CCNYL1: variants seen among roughly 807,000 people sequenced by gnomAD.
CCNYL1 encodes the protein cyclin Y like 1.
In CCNYL1, 16 loss-of-function variants were observed where a neutral mutation model predicts 44.2. That is an observed-to-expected ratio of 0.36 (90% CI 0.25 to 0.55). The LOEUF (loss-of-function observed/expected upper bound fraction) is 0.55, where lower values mean the gene tolerates loss of function less well. Ranked by LOEUF, CCNYL1 falls within the 20% of genes least tolerant of loss-of-function variation. CCNYL1 has a pLI of 0.85. For missense variants in CCNYL1, 348 were observed against 451.8 expected (o/e 0.77, Z 2.08); for synonymous variants, 159 against 163.2 (o/e 0.97, Z 0.20).
chr2:207,751,710 C>T (rs1423217290), intron 9 of CCNYL1, among the ~76,000 whole-genome samples: 1 of 152,140 alleles, frequency 6.6e-6, no homozygotes, highest in Non-Finnish European at 1.5e-5. Flanking sequence ...CAAAATTAGC[C>T]GGCCGTGGTG....
intron 1 of CCNYL1, among the ~76,000 whole-genome samples, chr2:207,721,734 G>GTTTTTTTTTTTTT (rs59024332): frequency 7.1e-6 from 1 of 141,150 alleles, no homozygotes; most frequent in Non-Finnish European, 1.6e-5. Context: ...GGAGTTTTTT[G>GTTTTTTTTTTTTT]TTTTTTTTTT....
At chr2:207,732,210 T>C (rs150960818) in intron 3 of CCNYL1, among the ~76,000 whole-genome samples, 1 of 152,322 alleles carries the variant, frequency 6.6e-6, no homozygotes, top group African/African-American at 2.4e-5. Context: ...TTAGCACACA[T>C]ACACAGTTAA....
At chr2:207,722,294 C>T (rs897482521) in intron 1 of CCNYL1, among the ~76,000 whole-genome samples, 5 of 151,894 alleles carry the variant, frequency 3.3e-5, no homozygotes, top group Non-Finnish European at 1.5e-5. Flanking sequence ...AGGCTGGTCT[C>T]GAACTCCTGA....
intron 7 of CCNYL1, among the ~76,000 whole-genome samples, chr2:207,745,312 A>C (rs561814102): frequency 6.6e-6 from 1 of 152,288 alleles, no homozygotes; most frequent in African/African-American, 2.4e-5. Flanking sequence ...GATCAACTGC[A>C]CTGATGGAGT....
At chr2:207,737,166 C>T (rs944400003) in intron 4 of CCNYL1, among the ~76,000 whole-genome samples, 3 of 152,236 alleles carry the variant, frequency 2.0e-5, no homozygotes, top group Middle Eastern at 6.8e-3. Context: ...CCACCTGCCT[C>T]GGCCTCCCAA....
At chr2:207,743,080 C>G (rs2091823798) in intron 7 of CCNYL1, among the ~76,000 whole-genome samples, 1 of 152,200 alleles carries the variant, frequency 6.6e-6, no homozygotes. Flanking sequence ...ATACTTAGGT[C>G]AGTACCTACT....
intron 1 of CCNYL1, among the ~76,000 whole-genome samples, chr2:207,720,103 G>T (rs978084593): frequency 1.4e-5 from 2 of 143,462 alleles, no homozygotes; most frequent in African/African-American, 5.2e-5. Flanking sequence ...CAGAAAAATC[G>T]CTTCAACTCA....
intron 3 of CCNYL1, among the ~76,000 whole-genome samples, chr2:207,728,120 C>T (rs1323021402): frequency 1.3e-5 from 2 of 152,170 alleles, no homozygotes; most frequent in South Asian, 4.1e-4. Flanking sequence ...CCTGCCACCA[C>T]GCCCAGCTAA....
chr2:207,741,315 C>T (rs555766533), intron 6 of CCNYL1, among the ~76,000 whole-genome samples: 26 of 152,038 alleles, frequency 1.7e-4, no homozygotes, highest in Admixed American at 7.2e-4. Flanking sequence ...GTAAGACTTT[C>T]GAGCCTACAA....
At chr2:207,747,618 G>A (rs1457073744) in intron 8 of CCNYL1, among the ~76,000 whole-genome samples, 2 of 152,094 alleles carry the variant, frequency 1.3e-5, no homozygotes, top group Admixed American at 6.6e-5. Flanking sequence ...ATGCAGTCTC[G>A]GCTCACTGCA....
At chr2:207,744,410 A>G (rs1304337048) in intron 7 of CCNYL1, among the ~76,000 whole-genome samples, 2 of 151,942 alleles carry the variant, frequency 1.3e-5, no homozygotes, top group Non-Finnish European at 2.9e-5. Flanking sequence ...TATGTCACCC[A>G]GGCTGTAGTG....
In CCNYL1 at chr2:207,729,550, C is replaced by A. The variant is rs115082212; in HGVS notation, c.330+2674C>A. On this transcript the variant is annotated intron_variant, in intron 3 of 9. Transcript: ENST00000295414. The stretch of plus-strand genomic sequence containing the variant: ...GCAGGACTTTTGTTAACTGATGATT[C>A]TTACTGCAAGGACATTGGAGGCCAA... Among the ~76,000 whole-genome samples the A allele has an allele frequency of 5.4e-3, 816 of 152,172 alleles. 10 individuals carry two copies. The highest frequency in any genetic ancestry group is 0.019 in the African/African-American group (779 of 41,504).
chr2:207,747,748 C>T (rs867239334), intron 8 of CCNYL1, among the ~76,000 whole-genome samples: 5 of 152,022 alleles, frequency 3.3e-5, no homozygotes, highest in Middle Eastern at 3.2e-3. Context: ...TTAGTAGAGA[C>T]GAGGTTTCAC....
chr2:207,731,068 A>G (rs935953870), intron 3 of CCNYL1, among the ~76,000 whole-genome samples: 1 of 152,206 alleles, frequency 6.6e-6, no homozygotes, highest in Non-Finnish European at 1.5e-5. Flanking sequence ...TTGTATTCAA[A>G]CTCTGCATCC....
rs777005736 is a variant in CCNYL1, at chr2:207,753,679, C to A, written c.1061C>A (p.Ser354Tyr). 1.2e-6 allele frequency: 2 copies of A among 1,609,776 alleles called. No homozygotes were observed. Among genetic ancestry groups the A allele is most frequent in the Non-Finnish European group, 1.7e-6 (2 of 1,176,586 alleles). Residue 354 changes from serine (S) to tyrosine (Y), a missense_variant, in exon 10 of 10, where the codon TCT (serine) becomes TAT (tyrosine). Physicochemically the swap from Ser to Tyr is moderately radical, Grantham distance 144 (BLOSUM62 -2). This residue lies in a region of CCNYL1 where 94 missense variants were observed against 102.4 expected (regional missense o/e 0.92). Coordinates refer to ENST00000295414, the MANE Select transcript of CCNYL1 (RefSeq NM_001330218.2). ...GATAACTTCATTGGTATTCAGCGCT[C>A]TAAAGCCATCCTCTCTTAAAAGGAG... ...SADNFIGIQR[S>Y]KAILS is the part of the protein sequence containing the mutation.
At chr2:207,729,617 GGTCTT>G (rs1362788269) in intron 3 of CCNYL1, among the ~76,000 whole-genome samples, 9 of 151,854 alleles carry the variant, frequency 5.9e-5, no homozygotes, top group Non-Finnish European at 1.0e-4. Flanking sequence ...TTATCTGGTG[GGTCTT>G]GTCTTGTCTT....
intron 5 of CCNYL1, 76 bp downstream of exon 5, chr2:207,737,522 A>G (rs1425730725): frequency 1.7e-6 from 2 of 1,172,834 alleles, no homozygotes; most frequent in East Asian, 2.4e-5. Flanking sequence ...TTAGGTCATA[A>G]CTATAGACAT....
At chr2:207,713,600 G>A (rs1575205898) in intron 1 of CCNYL1, among the ~76,000 whole-genome samples, 1 of 152,210 alleles carries the variant, frequency 6.6e-6, no homozygotes, top group East Asian at 1.9e-4. Context: ...TCATAAAGAT[G>A]TTTAAATCCA....
At position 207,724,863 on chromosome 2, in the gene CCNYL1, C is replaced by A. The variant is rs369226763; in HGVS notation, c.284C>A (p.Ser95Tyr). Residue 95 changes from serine to tyrosine, a missense_variant, in exon 2 of 10, where the codon TCT (serine) becomes TAT (tyrosine). By Grantham distance (144) the Ser-to-Tyr change is moderately radical (BLOSUM62 -2). Around this residue, in one of 3 missense-constraint regions of CCNYL1, gnomAD observed 209 missense variants for 247.7 expected, o/e 0.84. Coordinates refer to ENST00000295414, the MANE Select transcript of CCNYL1 (RefSeq NM_001330218.2). ...PRASTIFLSK[S>Y]QTDVREKRKS... ...GCAAGCACAATTTTCCTGAGCAAAT[C>A]TCAAACGGATGGTAAGACAATACTG... 2 of 1,612,044 alleles carry A rather than the reference C, an allele frequency of 1.2e-6. No homozygotes were observed. The highest frequency in any genetic ancestry group is 1.7e-6 in the Non-Finnish European group (2 of 1,178,970).
Sources: gnomAD v4.1 joint callset for allele counts (sites outside exome capture counted in the v4.1 genomes callset) on GRCh38, gnomAD v4.1.1 for gene constraint, gnomAD v4.1.1 regional missense constraint, MANE v1.5 for transcripts, NCBI Gene and HGNC (gene_info 2026-07-23, HGNC 2026-07-21) for gene names.